The following PHEX variants were observed in gnomAD, a reference collection of about 807,000 sequenced individuals.
The protein encoded by PHEX is phosphate regulating endopeptidase X-linked, also known as phosphate-regulating neutral endopeptidase PHEX.
In PHEX, 16 loss-of-function variants were observed where a neutral mutation model predicts 68.0. The ratio of observed to expected loss-of-function variants is 0.24; its 90% CI spans 0.16 to 0.36. The LOEUF is 0.36. Among genes scored for constraint, PHEX ranks in the 10% least tolerant of loss-of-function variants. The pLI is 1.00. For synonymous variants in PHEX, 208 were observed against 205.1 expected, an observed-to-expected ratio of 1.01 and a Z score of -0.12; for missense variants, 480 against 575.5, an observed-to-expected ratio of 0.83 and a Z score of 1.70.
At chrX:22,234,619 C>T (rs776867787) in intron 20 of PHEX, among the ~76,000 whole-genome samples, 36 of 109,886 alleles carry the variant, frequency 3.3e-4, no homozygotes, top group Admixed American at 6.7e-4. Flanking sequence ...CCTTCCCCCC[C>T]CAAGCTCAAG....
intron 3 of PHEX, among the ~76,000 whole-genome samples, chrX:22,068,058 G>A (rs762307453): frequency 2.7e-5 from 3 of 110,154 alleles, no homozygotes; most frequent in Admixed American, 9.7e-5. Flanking sequence ...GGCTGGTCTC[G>A]AACTCCTGAC....
At chrX:22,183,078 A>AT (rs1209087992) in intron 14 of PHEX, among the ~76,000 whole-genome samples, 27 of 107,563 alleles carry the variant, frequency 2.5e-4, no homozygotes, top group South Asian at 4.0e-4. Context: ...ATGGATTACA[A>AT]TTTTTTTTTT....
rs1936513089 is a variant in PHEX at position 22,249,528 on chromosome X, T to C, written c.*1575T>C. ...TGTGTGCCATGTCCTTTTGTAGCCA[T>C]GGGAACGTTTGAATGGAGAAAAATG... On this transcript the variant is annotated 3_prime_UTR_variant, in exon 22 of 22. Transcript: ENST00000379374. 1.1e-5 allele frequency: 1 copy of C among 93,278 alleles called. No homozygotes were observed. Among genetic ancestry groups the C allele is most frequent in the Non-Finnish European group, 2.1e-5 (1 of 48,351 alleles). 7.7% of individuals were successfully genotyped at this position (93,278 alleles called of 1,213,427 possible).
chrX:22,170,341 G>A lies in PHEX; in HGVS notation c.1482+1952G>A, dbSNP rs138327439. Among the ~76,000 whole-genome samples, 541 of 111,085 alleles carry A rather than the reference G, an allele frequency of 4.9e-3. 4 individuals are homozygous for A. Among genetic ancestry groups the A allele is most frequent in the African/African-American group, 0.017 (507 of 30,504 alleles). The stretch of plus-strand genomic sequence containing the variant: ...GAGAAGGTTTGAGAGACAGTTTGAT[G>A]TAGAGGTTATAAATAGGGACCGTGG... On this transcript the variant is annotated intron_variant, in intron 13 of 21. Coordinates refer to ENST00000379374, the MANE Select transcript of PHEX (RefSeq NM_000444.6).
intron 11 of PHEX, among the ~76,000 whole-genome samples, chrX:22,132,328 G>A (rs750367055): frequency 9.1e-5 from 10 of 110,448 alleles, no homozygotes; most frequent in Non-Finnish European, 1.3e-4. Flanking sequence ...GGCTGGTCTC[G>A]AACTCCTGGC....
intron 15 of PHEX, among the ~76,000 whole-genome samples, chrX:22,198,591 G>T (rs377431164): frequency 1.4e-4 from 16 of 111,468 alleles, no homozygotes; most frequent in African/African-American, 5.2e-4. Context: ...TGGTGCAAAG[G>T]CGCAGATATG....
chrX:22,187,771 G>A (rs1416515710), intron 14 of PHEX, among the ~76,000 whole-genome samples: 1 of 111,575 alleles, frequency 9.0e-6, no homozygotes, highest in East Asian at 2.8e-4. Flanking sequence ...TAAATTTGAA[G>A]GAAAAGAATA....
chrX:22,207,254 C>G (rs1288847660), intron 15 of PHEX, among the ~76,000 whole-genome samples: 1 of 112,012 alleles, frequency 8.9e-6, no homozygotes, highest in African/African-American at 3.2e-5. Context: ...TTACAAAGAC[C>G]AATATTTTCT....
intron 9 of PHEX, among the ~76,000 whole-genome samples, chrX:22,106,125 T>A (rs1308528944): frequency 1.8e-5 from 2 of 111,684 alleles, no homozygotes; most frequent in East Asian, 5.6e-4. Flanking sequence ...GGACTGTTGC[T>A]GACTGTGATT....
intron 15 of PHEX, among the ~76,000 whole-genome samples, chrX:22,211,785 TGAG>T (rs1210624797): frequency 8.9e-6 from 1 of 112,325 alleles, no homozygotes; most frequent in Non-Finnish European, 1.9e-5. Flanking sequence ...TCCACATGGC[TGAG>T]GAGGCCTCAC....
At chrX:22,210,662 C>T (rs1272673718) in intron 15 of PHEX, among the ~76,000 whole-genome samples, 1 of 110,715 alleles carries the variant, frequency 9.0e-6, no homozygotes, top group Non-Finnish European at 1.9e-5. Flanking sequence ...AAATATGCCA[C>T]AAATATTTAA....
intron 15 of PHEX, among the ~76,000 whole-genome samples, chrX:22,211,174 G>A (rs758046984): frequency 8.9e-6 from 1 of 112,006 alleles, no homozygotes; most frequent in African/African-American, 3.2e-5. Context: ...CAAGGGCAAA[G>A]CAAAGCATGT....
chrX:22,224,391 T>G (rs1283421958), intron 18 of PHEX, among the ~76,000 whole-genome samples: 1 of 112,056 alleles, frequency 8.9e-6, no homozygotes, highest in Non-Finnish European at 1.9e-5. Context: ...CCACAGAGGA[T>G]TCTGGAGCAC....
At chrX:22,206,705 G>A (rs1322746613) in intron 15 of PHEX, among the ~76,000 whole-genome samples, 2 of 111,296 alleles carry the variant, frequency 1.8e-5, no homozygotes, top group Non-Finnish European at 3.8e-5. Context: ...GAAGAGAGGC[G>A]TAGGGCAAAA....
intron 20 of PHEX, among the ~76,000 whole-genome samples, chrX:22,227,993 C>G (rs1274474240): frequency 9.0e-6 from 1 of 111,470 alleles, no homozygotes; most frequent in African/African-American, 3.3e-5. Flanking sequence ...GCCTCATTTG[C>G]TGACTTTATG....
chrX:22,138,733 G>A (rs182690434), intron 12 of PHEX, among the ~76,000 whole-genome samples: 1 of 112,191 alleles, frequency 8.9e-6, no homozygotes, highest in East Asian at 2.8e-4. Flanking sequence ...TCATCAAACT[G>A]TCTCCTGCCC....
At chrX:22,235,223 C>T (rs1019427388) in intron 20 of PHEX, among the ~76,000 whole-genome samples, 4 of 112,049 alleles carry the variant, frequency 3.6e-5, no homozygotes, top group Non-Finnish European at 7.5e-5. Flanking sequence ...GCAGAAATCA[C>T]CCACTTACTT....
At chrX:22,092,982 C>T (rs1296117976) in intron 6 of PHEX, among the ~76,000 whole-genome samples, 1 of 109,059 alleles carries the variant, frequency 9.2e-6, no homozygotes, top group African/African-American at 3.3e-5. Context: ...GAACTCCTGA[C>T]CTCGTGATCC....
At position 22,237,967 on chromosome X, in the gene PHEX, G is replaced by C. The variant is rs144230079; in HGVS notation, c.2071-7366G>C. ...CCATGTCCAACATGAGTCAGCAGTG[G>C]GGCTCTTGTAGTTTTTCATCAAGAA... On this transcript the variant is annotated intron_variant, in intron 20 of 21. Coordinates refer to ENST00000379374, the MANE Select transcript of PHEX (RefSeq NM_000444.6). Among the ~76,000 whole-genome samples, 972 of 112,488 alleles carry C rather than the reference G, an allele frequency of 8.6e-3. 8 individuals are homozygous for C. Among genetic ancestry groups the C allele is most frequent in the African/African-American group, 0.029 (907 of 31,006 alleles).
Sources: gnomAD v4.1 joint callset for allele counts (sites outside exome capture counted in the v4.1 genomes callset) on GRCh38, gnomAD v4.1.1 for gene constraint, MANE v1.5 for transcripts, NCBI Gene and HGNC (gene_info 2026-07-23, HGNC 2026-07-21) for gene names.